Variants in CHEK1 observed in about 807,000 individuals in gnomAD.
The protein encoded by CHEK1 is checkpoint kinase 1.
CHEK1 carries 32 observed loss-of-function variants against 60.2 expected under a neutral mutation model. The observed-to-expected ratio is 0.53, with a 90% confidence interval of 0.40 to 0.71. The LOEUF is 0.71. CHEK1 is among the 30% of genes least tolerant of loss of function. The pLI, the probability that CHEK1 is intolerant of heterozygous loss-of-function variation, is 0.00. For missense variants in CHEK1, 399 were observed against 564.6 expected, an observed-to-expected ratio of 0.71 and a Z score of 2.97; for synonymous variants, 179 against 187.2, an observed-to-expected ratio of 0.96 and a Z score of 0.36.
chr11:125,677,112 T>C (rs1223276501), downstream of CHEK1, among the ~76,000 whole-genome samples: 5 of 152,214 alleles, frequency 3.3e-5, no homozygotes, highest in East Asian at 9.6e-4. Context: ...AGTTTGCCAC[T>C]TTCTAGCCAT....
downstream of CHEK1, among the ~76,000 whole-genome samples, chr11:125,677,110 A>G (rs1377660776): frequency 2.0e-5 from 3 of 152,200 alleles, no homozygotes; most frequent in African/African-American, 7.2e-5. Context: ...AAAGTTTGCC[A>G]CTTTCTAGCC....
chr11:125,633,016 C>T, intron 5 of CHEK1, 147 bp from the exon 6 acceptor site: 1 of 605,492 alleles, frequency 1.7e-6, no homozygotes, highest in Non-Finnish European at 2.7e-6. Context: ...TTTTAAATTT[C>T]TTTTTGTCTA....
chr11:125,626,176 A>C, intron 1 of CHEK1, 164 bp downstream of exon 1: 1 of 598,562 alleles, frequency 1.7e-6, no homozygotes, highest in South Asian at 2.0e-5. Flanking sequence ...GAATGGTACC[A>C]GGAGGTTCCC....
chr11:125,677,681 T>C (rs992325812), downstream of CHEK1: 4 of 1,365,366 alleles, frequency 2.9e-6, no homozygotes, highest in Non-Finnish European at 4.0e-6. Context: ...GAGAGCTGTT[T>C]GTGAAGTGTT....
downstream of CHEK1, chr11:125,680,732 T>G (rs751235218): frequency 1.2e-6 from 2 of 1,613,430 alleles, no homozygotes; most frequent in East Asian, 4.5e-5. Flanking sequence ...CACTCACCTC[T>G]GGCAGATCCA....
intron 11 of CHEK1, 31 bp downstream of exon 11, chr11:125,644,674 TC>T: frequency 6.2e-7 from 1 of 1,602,574 alleles, no homozygotes; most frequent in Non-Finnish European, 8.5e-7. Flanking sequence ...TTATACCTTT[TC>T]CTGAAGAAGA....
intron 8 of CHEK1, among the ~76,000 whole-genome samples, chr11:125,639,718 C>G (rs963190947): frequency 1.3e-5 from 2 of 152,178 alleles, no homozygotes; most frequent in Non-Finnish European, 2.9e-5. Flanking sequence ...CAGTTGTTCA[C>G]TTTGCTTCCT....
Position 125,633,357 on chromosome 11 carries a change from A to C in CHEK1, c.613+6A>C, listed in dbSNP as rs757583581. ...TACTGCAATGCTCGCTGGAGGTAAGAGCTATTTAATCATGGTAAAACTCCT... is the reference window on the plus strand; with the variant it reads ...TACTGCAATGCTCGCTGGAGGTAAGCGCTATTTAATCATGGTAAAACTCCT... On this transcript the variant is annotated splice_donor_region_variant and intron_variant, in intron 6 of 12. Coordinates refer to ENST00000438015, the MANE Select transcript of CHEK1 (RefSeq NM_001114122.3). 5 of 1,528,298 alleles carry C rather than the reference A, an allele frequency of 3.3e-6. No individual in the cohort carries two copies. In the South Asian group the frequency reaches 6.6e-5, roughly 20 times the overall value. 94.7% of individuals were successfully genotyped at this position (1,528,298 alleles called of 1,614,324 possible).
In CHEK1 at chr11:125,650,894, T is replaced by A. The variant is rs76055366; in HGVS notation, c.1234-2852T>A. ...TCTGCAGAGTGTTCTGTATTTGTGT[T>A]GGGGCACACCTGCAATACTCAACCA... On this transcript the variant is annotated intron_variant, in intron 11 of 12. Transcript: ENST00000438015. Among the ~76,000 whole-genome samples the A allele has an allele frequency of 2.2e-4, 33 of 152,208 alleles. No homozygotes were observed. The South Asian group carries it at 6.2e-3, about 29-fold the overall frequency.
intron 13 of CHEK1, chr11:125,671,537 T>A (rs1012568936): frequency 6.6e-6 from 1 of 152,192 alleles, no homozygotes; most frequent in African/African-American, 2.4e-5. Flanking sequence ...TGTGTATATA[T>A]GTTGAAATTT....
At chr11:125,660,822 C>G (rs561673829), downstream of CHEK1, among the ~76,000 whole-genome samples, 2 of 151,998 alleles carry the variant, frequency 1.3e-5, no homozygotes, top group East Asian at 3.9e-4. Context: ...GTTGCCCAGG[C>G]TGGAGTGAAA....
rs1253636535 is a variant in CHEK1, at chr11:125,626,346, T to C, written c.-21+334T>C. On this transcript the variant is annotated intron_variant, in intron 1 of 12. Coordinates refer to ENST00000438015, the MANE Select transcript of CHEK1 (RefSeq NM_001114122.3). ...GGGATGGGAATTGGAATTGAGCAAT[T>C]GGGAGGAGGCGCTGCCGCAGGCGTT... The C allele has an allele frequency of 1.6e-5, 7 of 435,198 alleles. No homozygotes were observed. In the East Asian group the frequency reaches 2.6e-4, roughly 16 times the overall value. 27.0% of individuals were successfully genotyped at this position (435,198 alleles called of 1,614,324 possible).
chr11:125,673,280 C>T (rs1011569870), intron 13 of CHEK1, among the ~76,000 whole-genome samples: 55 of 151,648 alleles, frequency 3.6e-4, no homozygotes, highest in African/African-American at 1.2e-3. Flanking sequence ...CCTCAGCTCA[C>T]CGCAGCCTCC....
At chr11:125,645,615 C>T (rs569662583) in intron 11 of CHEK1, among the ~76,000 whole-genome samples, 1 of 152,170 alleles carries the variant, frequency 6.6e-6, no homozygotes, top group African/African-American at 2.4e-5. Context: ...GTTTTTGTAT[C>T]AGCGTCAGAT....
downstream of CHEK1, chr11:125,680,623 C>T: frequency 3.0e-6 from 3 of 997,626 alleles, no homozygotes; most frequent in Non-Finnish European, 4.6e-6. Flanking sequence ...GATTCTGACT[C>T]AGATTGGTTT....
chr11:125,672,757 G>T (rs557946390), intron 13 of CHEK1: 1 of 1,611,258 alleles, frequency 6.2e-7, no homozygotes, highest in Non-Finnish European at 8.5e-7. Context: ...AGAAAGCTTC[G>T]TCCTCCAACC....
At chr11:125,673,587 C>T (rs1286947846) in intron 13 of CHEK1, among the ~76,000 whole-genome samples, 1 of 152,120 alleles carries the variant, frequency 6.6e-6, no homozygotes, top group Non-Finnish European at 1.5e-5. Flanking sequence ...ATTATTTCTG[C>T]TCTCCCAAGT....
In CHEK1 at chr11:125,668,739, T is replaced by C. The variant is rs184157690; in HGVS notation, c.*28-7189T>C. On this transcript the variant is annotated intron_variant, in intron 13 of 13. Transcript: ENST00000428830. The stretch of plus-strand genomic sequence containing the variant: ...AGATACTTTTTTAAAAAATAGTTTT[T>C]AGAGAGGGGGTCTTGCTGTGTTGCC... 5.1e-4 allele frequency among the ~76,000 whole-genome samples: 77 copies of C among 152,166 alleles called. 1 individual carries two copies. Among genetic ancestry groups the C allele is most frequent in the Admixed American group, 2.8e-3 (43 of 15,288 alleles).
intron 13 of CHEK1, among the ~76,000 whole-genome samples, chr11:125,667,261 G>A (rs560889336): frequency 6.6e-6 from 1 of 152,074 alleles, no homozygotes; most frequent in African/African-American, 2.4e-5. Context: ...GTTGTATTTG[G>A]TTTTCTCTTC....
Sources: gnomAD v4.1 joint callset for allele counts (sites outside exome capture counted in the v4.1 genomes callset) on GRCh38, gnomAD v4.1.1 for gene constraint, MANE v1.5 for transcripts, NCBI Gene and HGNC (gene_info 2026-07-23, HGNC 2026-07-21) for gene names.